VRK2: variants seen among roughly 807,000 people sequenced by gnomAD.
VRK2 encodes the protein VRK serine/threonine kinase 2.
A neutral mutation model predicts 57.6 loss-of-function variants in VRK2; 60 were observed. The ratio of observed to expected loss-of-function variants is 1.04; its 90% CI spans 0.85 to 1.29. VRK2 has a LOEUF of 1.29. Among genes scored for constraint, VRK2 ranks in the 50% most tolerant of loss-of-function variants. VRK2 has a pLI of 0.00. For missense variants in VRK2, 705 were observed against 588.1 expected, an observed-to-expected ratio of 1.20 and a Z score of -2.06; for synonymous variants, 231 against 199.2, an observed-to-expected ratio of 1.16 and a Z score of -1.35.
At chr2:58,133,008 ATG>A (rs1231146817) in intron 9 of VRK2, among the ~76,000 whole-genome samples, 1 of 152,182 alleles carries the variant, frequency 6.6e-6, no homozygotes, top group Non-Finnish European at 1.5e-5. Context: ...AAACACAGTG[ATG>A]TATAAACAGT....
In VRK2 at chr2:58,047,003, C is replaced by T. The variant is rs761388233; in HGVS notation, c.-6+135C>T. ...CTCCGGGCCGTCCCAGCCCCCGGGC[C>T]TCAGCTCCGGCCCGGGCAGAGTCGC... On this transcript the variant is annotated intron_variant, in intron 1 of 12. Transcript: ENST00000340157. The T allele has an allele frequency of 5.3e-5, 52 of 982,684 alleles. No individual in the cohort carries two copies. The East Asian group carries it at 1.1e-3, about 21-fold the overall frequency. 60.9% of individuals were successfully genotyped at this position (982,684 alleles called of 1,614,324 possible). A position where few individuals can be genotyped will look rare whatever the true frequency, so the allele number is the denominator to read the frequency against.
chr2:58,084,267 G>A, intron 3 of VRK2, 129 bp downstream of exon 3: 3 of 958,162 alleles, frequency 3.1e-6, no homozygotes, highest in Non-Finnish European at 4.4e-6. Context: ...CATCTGTTTT[G>A]ACGTTGTTAA....
intron 1 of VRK2, among the ~76,000 whole-genome samples, chr2:58,005,018 C>T (rs762634477): frequency 6.6e-6 from 1 of 152,000 alleles, no homozygotes; most frequent in Non-Finnish European, 1.5e-5. Context: ...TAATTTCACA[C>T]TTGAAAGGCA....
At chr2:58,133,175 TATACAGATACATTCATTATAGG>T (rs1679466363) in intron 9 of VRK2, among the ~76,000 whole-genome samples, 1 of 152,134 alleles carries the variant, frequency 6.6e-6, no homozygotes, top group African/African-American at 2.4e-5. Context: ...TCAATATGCA[TATACAGATACATTCATTATAGG>T]TATCTATAAT....
At chr2:58,090,137 T>C (rs1006841169) in intron 7 of VRK2, among the ~76,000 whole-genome samples, 2 of 152,172 alleles carry the variant, frequency 1.3e-5, no homozygotes, top group Non-Finnish European at 2.9e-5. Context: ...GGCTCATGCC[T>C]GTAATCCCAG....
Position 58,046,818 on chromosome 2 carries a change from G to T in VRK2, c.-56G>T. The T allele has an allele frequency of 1.0e-6, 1 of 985,674 alleles. No individual in the cohort carries two copies. Among genetic ancestry groups the T allele is most frequent in the Admixed American group, 6.1e-5 (1 of 16,300 alleles). The allele number at this position is 985,674 out of a possible 1,614,324, so 61.1% of individuals were successfully genotyped here. ...CCGGGGGCTCCGCCTCGTCGCAGCG[G>T]CAGGTAGGAGGCGGTGCGCGCGGCC... On this transcript the variant is annotated 5_prime_UTR_variant, in exon 1 of 13. Coordinates refer to ENST00000340157, the MANE Select transcript of VRK2 (RefSeq NM_006296.7).
chr2:57,991,817 G>C (rs1012591465), intron 1 of VRK2, among the ~76,000 whole-genome samples: 5 of 151,810 alleles, frequency 3.3e-5, no homozygotes, highest in African/African-American at 1.2e-4. Flanking sequence ...AATTATCTGG[G>C]CGTGGTGGCG....
chr2:58,124,227 A>G (rs1432533889), intron 8 of VRK2, among the ~76,000 whole-genome samples: 1 of 152,196 alleles, frequency 6.6e-6, no homozygotes, highest in Non-Finnish European at 1.5e-5. Context: ...TCCAAATCCA[A>G]TAGCCGACCC....
intron 1 of VRK2, among the ~76,000 whole-genome samples, chr2:57,961,829 C>T (rs1671771087): frequency 6.6e-6 from 1 of 152,150 alleles, no homozygotes. Context: ...CTAATCCCAG[C>T]AGTTTGGGAG....
At chr2:58,014,325 A>G (rs80321144) in intron 1 of VRK2, among the ~76,000 whole-genome samples, 2,479 of 152,330 alleles carry the variant, frequency 0.016, 73 homozygotes, top group African/African-American at 0.057. Context: ...ACTTAATACA[A>G]TGTCCTTTCT....
At chr2:58,087,960 C>G (rs540288214) in intron 5 of VRK2, among the ~76,000 whole-genome samples, 53 of 152,136 alleles carry the variant, frequency 3.5e-4, no homozygotes, top group African/African-American at 1.1e-3. Flanking sequence ...GCACTCCAGC[C>G]TGGTGACAGA....
chr2:58,150,003 T>A (rs886874174), intron 12 of VRK2, among the ~76,000 whole-genome samples: 1 of 148,704 alleles, frequency 6.7e-6, no homozygotes, highest in Non-Finnish European at 1.5e-5. Flanking sequence ...TTTCTTTTTT[T>A]TTTTTTTTTT....
chr2:58,047,504 G>C, intron 1 of VRK2: 1 of 974,502 alleles, frequency 1.0e-6, no homozygotes, highest in Non-Finnish European at 1.2e-6. Flanking sequence ...ACCGCCTCAA[G>C]CCCTGAGGCC....
chr2:57,989,722 T>C (rs923130453), intron 1 of VRK2, among the ~76,000 whole-genome samples: 5 of 152,218 alleles, frequency 3.3e-5, no homozygotes, highest in Non-Finnish European at 5.9e-5. Flanking sequence ...ATATAATAAA[T>C]GCATTTTTAT....
At chr2:58,051,132 A>G (rs984857846) in intron 2 of VRK2, among the ~76,000 whole-genome samples, 10 of 152,282 alleles carry the variant, frequency 6.6e-5, no homozygotes, top group African/African-American at 2.4e-4. Context: ...GACGTGAGCC[A>G]CTGTGCCCAG....
chr2:57,911,936 C>A (rs940451913), intron 1 of VRK2, among the ~76,000 whole-genome samples: 25 of 152,276 alleles, frequency 1.6e-4, no homozygotes, highest in Middle Eastern at 3.4e-3. Context: ...TAAGAGATAA[C>A]CTGCTCTCCT....
intron 8 of VRK2, among the ~76,000 whole-genome samples, chr2:58,130,317 A>G (rs1184792426): frequency 6.6e-6 from 1 of 152,212 alleles, no homozygotes; most frequent in East Asian, 1.9e-4. Context: ...ACACATCTGT[A>G]CAAGTGGAAC....
intron 1 of VRK2, among the ~76,000 whole-genome samples, chr2:58,023,848 T>C (rs1227944427): frequency 4.6e-5 from 7 of 152,118 alleles, no homozygotes; most frequent in African/African-American, 1.7e-4. Flanking sequence ...AGAATCAATA[T>C]AGAAGCTTTG....
intron 1 of VRK2, among the ~76,000 whole-genome samples, chr2:57,976,489 TG>T (rs1248346142): frequency 2.0e-5 from 3 of 152,158 alleles, no homozygotes; most frequent in African/African-American, 7.2e-5. Flanking sequence ...TTCGTATGCT[TG>T]TTAGCCACTT....
Sources: gnomAD v4.1 joint callset for allele counts (sites outside exome capture counted in the v4.1 genomes callset) on GRCh38, gnomAD v4.1.1 for gene constraint, MANE v1.5 for transcripts, NCBI Gene and HGNC (gene_info 2026-07-23, HGNC 2026-07-21) for gene names.